Variants in DMC1 observed in about 807,000 individuals in gnomAD.
DMC1 encodes DNA meiotic recombinase 1.
In DMC1, 27 loss-of-function variants were observed where a neutral mutation model predicts 50.1. The ratio of observed to expected loss-of-function variants is 0.54; its 90% CI spans 0.40 to 0.74. The LOEUF (loss-of-function observed/expected upper bound fraction) is 0.74. Ranked by LOEUF, DMC1 falls within the 30% of genes least tolerant of loss-of-function variation. The probability of loss-of-function intolerance (pLI) is 0.00; values close to 1 mark genes in which losing one functional copy is unlikely to be tolerated. For synonymous variants in DMC1, 148 were observed against 136.1 expected (o/e 1.09, Z -0.61); for missense variants, 295 against 420.2 (o/e 0.70, Z 2.60).
chr22:38,525,518 G>C (rs937455817), intron 12 of DMC1, among the ~76,000 whole-genome samples: 11 of 152,074 alleles, frequency 7.2e-5, no homozygotes, highest in African/African-American at 2.7e-4. Context: ...AAAAAGAATA[G>C]AGACAATTGC....
At position 38,520,012 on chromosome 22, in the gene DMC1, T is replaced by C; in HGVS notation, c.*8A>G. The C allele has an allele frequency of 6.2e-7, 1 of 1,612,992 alleles. No individual in the cohort carries two copies. The highest frequency in any genetic ancestry group is 8.5e-7 in the Non-Finnish European group (1 of 1,179,106). ...AGCACTAAGAAGCAATTTGCATCAA[T>C]TCACCACCTACTCCTTGGCATCCCC... On this transcript the variant is annotated 3_prime_UTR_variant, in exon 14 of 14. Coordinates refer to ENST00000216024, the MANE Select transcript of DMC1 (RefSeq NM_007068.4).
In DMC1 at chr22:38,569,011, G is replaced by C. The variant is rs11570370; in HGVS notation, c.-33-722C>G. Among the ~76,000 whole-genome samples the C allele has an allele frequency of 2.6e-3, 388 of 151,868 alleles. 1 individual carries two copies. Among genetic ancestry groups the C allele is most frequent in the African/African-American group, 9.0e-3 (373 of 41,400 alleles). ...TTCGAGACCAGCCTGGCCAATCCCC[G>C]TCTCTACTAAAAATACAAAAAAATT... On this transcript the variant is annotated intron_variant, in intron 1 of 13. Transcript: ENST00000216024.
chr22:38,547,150 C>T (rs2090352057), intron 8 of DMC1, among the ~76,000 whole-genome samples: 1 of 152,004 alleles, frequency 6.6e-6, no homozygotes, highest in Non-Finnish European at 1.5e-5. Flanking sequence ...AAGCCTCCTG[C>T]CTCAGCCTTC....
intron 4 of DMC1, among the ~76,000 whole-genome samples, chr22:38,562,762 CATATATACAT>C (rs2090541688): frequency 6.6e-6 from 1 of 151,844 alleles, no homozygotes; most frequent in Admixed American, 6.6e-5. Context: ...GTTATATACA[CATATATACAT>C]ATATGTGTAT....
chr22:38,544,139 T>C (rs1335307239), intron 8 of DMC1, among the ~76,000 whole-genome samples: 1 of 152,102 alleles, frequency 6.6e-6, no homozygotes, highest in East Asian at 1.9e-4. Context: ...AACTACTCTA[T>C]AGGAAAAAAA....
chr22:38,519,606 G>T lies in DMC1; in HGVS notation c.*414C>A, dbSNP rs1333475958. 4.3e-6 allele frequency: 1 copy of T among 231,108 alleles called. No individual in the cohort carries two copies. The highest frequency in any genetic ancestry group is 8.7e-6 in the Non-Finnish European group (1 of 115,134). The allele number at this position is 231,108 out of a possible 1,614,324, so 14.3% of individuals were successfully genotyped here. A position where few individuals can be genotyped will look rare whatever the true frequency, so the allele number is the denominator to read the frequency against. On this transcript the variant is annotated 3_prime_UTR_variant, in exon 14 of 14. Transcript: ENST00000216024. ...AAAATGGTGAAGGGAAAGTCCTTAG[G>T]AGAATGGGACATTTCTGAACTCTTA...
At chr22:38,520,311 T>C (rs2090010542) in intron 13 of DMC1, among the ~76,000 whole-genome samples, 1 of 152,126 alleles carries the variant, frequency 6.6e-6, no homozygotes, top group South Asian at 2.1e-4. Context: ...TCAAGAAAAA[T>C]TACTCCAAAC....
At chr22:38,543,185 G>A (rs986153295) in intron 8 of DMC1, among the ~76,000 whole-genome samples, 1 of 151,582 alleles carries the variant, frequency 6.6e-6, no homozygotes, top group Non-Finnish European at 1.5e-5. Flanking sequence ...ACAGTCAACT[G>A]TAGGATATAA....
rs1376686789 is a variant in DMC1, at chr22:38,532,116, C to G, written c.836+5476G>C. ...CCTCTGAGCCAATGAGTCATTTTCT[C>G]TTTTTAAAACGAGCCTTAAAAATCT... is the stretch of plus-strand genomic sequence containing the variant. On this transcript the variant is annotated intron_variant, in intron 12 of 13. Transcript: ENST00000216024. 4.6e-5 allele frequency among the ~76,000 whole-genome samples: 7 copies of G among 152,088 alleles called. No individual in the cohort carries two copies. In the East Asian group the frequency reaches 1.3e-3, roughly 29 times the overall value.
intron 12 of DMC1, among the ~76,000 whole-genome samples, chr22:38,523,711 T>G (rs2090055374): frequency 6.6e-6 from 1 of 151,572 alleles, no homozygotes; most frequent in Non-Finnish European, 1.5e-5. Flanking sequence ...GAGGCTGCAG[T>G]GAGCTGAGAT....
chr22:38,553,605 C>T (rs2090437640), intron 6 of DMC1, among the ~76,000 whole-genome samples: 1 of 151,684 alleles, frequency 6.6e-6, no homozygotes, highest in Admixed American at 6.6e-5. Context: ...GAATGGATCA[C>T]TTGAGGTCAG....
At chr22:38,549,173 C>A (rs993560333) in intron 8 of DMC1, among the ~76,000 whole-genome samples, 2 of 152,146 alleles carry the variant, frequency 1.3e-5, no homozygotes, top group Non-Finnish European at 2.9e-5. Flanking sequence ...TGTCTAAGAT[C>A]CCAATCATCT....
At chr22:38,515,713 C>T (rs1222958229), downstream of DMC1, among the ~76,000 whole-genome samples, 4 of 151,608 alleles carry the variant, frequency 2.6e-5, no homozygotes, top group South Asian at 4.2e-4. Flanking sequence ...GTAGGAGAAT[C>T]GTTTGAACCT....
chr22:38,545,316 TGGGA>T (rs1444261054), intron 8 of DMC1, among the ~76,000 whole-genome samples: 1 of 152,038 alleles, frequency 6.6e-6, no homozygotes, highest in African/African-American at 2.4e-5. Flanking sequence ...GAAGCTGAGG[TGGGA>T]GGATCACTTG....
At chr22:38,562,810 TACATATATACAC>T (rs2090542958) in intron 4 of DMC1, among the ~76,000 whole-genome samples, 1 of 152,068 alleles carries the variant, frequency 6.6e-6, no homozygotes, top group Non-Finnish European at 1.5e-5. Flanking sequence ...CATATACATA[TACATATATACAC>T]ACATATATAC....
intron 12 of DMC1, among the ~76,000 whole-genome samples, chr22:38,524,216 C>A (rs2090061979): frequency 6.6e-6 from 1 of 152,100 alleles, no homozygotes; most frequent in African/African-American, 2.4e-5. Flanking sequence ...GAGTTTGAGA[C>A]CAGCCTGGCC....
At chr22:38,550,122 T>A in intron 7 of DMC1, 125 bp from the exon 8 acceptor site, 1 of 690,116 alleles carries the variant, frequency 1.4e-6, no homozygotes. Context: ...CATGATCCTT[T>A]CGTTTCTAAA....
the DMC1 span, among the ~76,000 whole-genome samples, chr22:38,510,220 G>C: frequency 5.3e-5 from 8 of 152,100 alleles, no homozygotes; most frequent in East Asian, 1.2e-3. Context: ...TTGCGGGGCT[G>C]AGGTGGGCAG....
At chr22:38,509,189 A>G in the DMC1 span, among the ~76,000 whole-genome samples, 1 of 152,098 alleles carries the variant, frequency 6.6e-6, no homozygotes, top group African/African-American at 2.4e-5. Flanking sequence ...ATTCTGGGGT[A>G]CATGTTCAGG....
Sources: allele counts gnomAD v4.1 joint callset (sites outside exome capture counted in the v4.1 genomes callset), GRCh38; gene constraint gnomAD v4.1.1; transcripts MANE v1.5; gene names NCBI Gene and HGNC (gene_info 2026-07-23, HGNC 2026-07-21).